The following PRPH2 variants were observed in gnomAD, a reference collection of about 807,000 sequenced individuals.
The protein encoded by PRPH2 is peripherin-2.
PRPH2 carries 17 observed loss-of-function variants against 31.3 expected under a neutral mutation model. The observed-to-expected ratio is 0.54, with a 90% CI of 0.37 to 0.81. PRPH2 has a LOEUF of 0.81. Among genes scored for constraint, PRPH2 ranks in the 40% least tolerant of loss-of-function variants. PRPH2 has a pLI of 0.00. For missense variants in PRPH2, 430 were observed against 439.7 expected (o/e 0.98, Z 0.20); for synonymous variants, 165 against 184.4 (o/e 0.89, Z 0.85).
At chr6:42,699,255 G>A (rs1401483682) in intron 2 of PRPH2, among the ~76,000 whole-genome samples, 1 of 151,816 alleles carries the variant, frequency 6.6e-6, no homozygotes, top group Non-Finnish European at 1.5e-5. Flanking sequence ...TTGTAGATAT[G>A]TGGTTTCCCC....
chr6:42,701,089 G>T (rs1176353517), intron 2 of PRPH2, among the ~76,000 whole-genome samples: 1 of 150,742 alleles, frequency 6.6e-6, no homozygotes, highest in Non-Finnish European at 1.5e-5. Flanking sequence ...TGATCCTCCT[G>T]CCTGAGCCAG....
chr6:42,719,167 CTTTT>C (rs10594241), intron 1 of PRPH2, among the ~76,000 whole-genome samples: 4 of 144,972 alleles, frequency 2.8e-5, no homozygotes, highest in Admixed American at 6.9e-5. Context: ...AGTGGACTTC[CTTTT>C]TTTTTTTTTT....
intron 2 of PRPH2, 89 bp from the exon 3 acceptor site, chr6:42,698,596 G>T: frequency 6.4e-7 from 1 of 1,552,602 alleles, no homozygotes; most frequent in South Asian, 1.2e-5. Context: ...CAAATTGAGG[G>T]TCCCAGAGAG....
intron 1 of PRPH2, among the ~76,000 whole-genome samples, chr6:42,706,645 A>G (rs559501250): frequency 1.9e-3 from 293 of 152,062 alleles, no homozygotes; most frequent in Non-Finnish European, 3.6e-3. Context: ...AATGCGTTAC[A>G]TAATAGACTT....
At position 42,704,478 on chromosome 6, in the gene PRPH2, G is replaced by A. The variant is rs61755814; in HGVS notation, c.715C>T (p.Gln239Ter). ...NNSAHYSYDH[Q>*]TEELNLWVRG... is the part of the protein sequence containing the mutation. ...ACCCACAGGTTGAGCTCCTCCGTCT[G>A]GTGGTCGTAACTGTAGTGTGCTGAG... The change falls in exon 2 of 3, where the codon CAG (glutamine) becomes TAG (stop). Residue 239 changes from glutamine to a stop codon, truncating the protein, a stop_gained. Coordinates refer to ENST00000230381, the MANE Select transcript of PRPH2 (RefSeq NM_000322.5). LOFTEE classifies it high-confidence loss of function. The A allele has an allele frequency of 6.2e-7, 1 of 1,614,080 alleles. No individual in the cohort carries two copies.
chr6:42,707,883 C>T (rs1582768173), intron 1 of PRPH2, among the ~76,000 whole-genome samples: 1 of 152,178 alleles, frequency 6.6e-6, no homozygotes, highest in South Asian at 2.1e-4. Flanking sequence ...TGACAAGAGC[C>T]GGACAGCCTG....
chr6:42,703,287 A>G (rs554958694), intron 2 of PRPH2, among the ~76,000 whole-genome samples: 1 of 152,380 alleles, frequency 6.6e-6, no homozygotes, highest in East Asian at 1.9e-4. Flanking sequence ...ACACTCACCG[A>G]GGATTTGCTT....
chr6:42,701,682 ATTTTTTTT>A (rs70990127), intron 2 of PRPH2, among the ~76,000 whole-genome samples: 34 of 78,518 alleles, frequency 4.3e-4, no homozygotes, highest in Admixed American at 1.5e-3. Flanking sequence ...ACGTCCAGCA[ATTTTTTTT>A]TTTTTTTTTT....
intron 1 of PRPH2, among the ~76,000 whole-genome samples, chr6:42,716,866 C>T (rs1369904723): frequency 1.3e-5 from 2 of 149,762 alleles, no homozygotes; most frequent in Non-Finnish European, 3.0e-5. Context: ...GTGATCCACC[C>T]GCCTCAGCCT....
At chr6:42,711,898 A>G in intron 1 of PRPH2, 3 of 985,108 alleles carry the variant, frequency 3.0e-6, no homozygotes, top group Non-Finnish European at 3.6e-6. Context: ...CGCATGTTCT[A>G]CCTCTCACCC....
chr6:42,722,556 G>T lies in PRPH2; in HGVS notation c.-222C>A. On this transcript the variant is annotated 5_prime_UTR_variant, in exon 1 of 3. Coordinates refer to ENST00000230381, the MANE Select transcript of PRPH2 (RefSeq NM_000322.5). This position sits in a 1 kb window ranked among gnomAD's most constrained non-coding sequence, Gnocchi z 4.4. The stretch of plus-strand genomic sequence containing the variant: ...GGAATCACAGCTTGAGCAGGGGATA[G>T]TCCTGGTCCTGGGCGTTGTTTCTTC... 1 of 1,421,646 alleles carries T rather than the reference G, an allele frequency of 7.0e-7. No individual in the cohort carries two copies. Among genetic ancestry groups the T allele is most frequent in the Non-Finnish European group, 9.2e-7 (1 of 1,090,548 alleles). The allele number at this position is 1,421,646 out of a possible 1,614,324, so 88.1% of individuals were successfully genotyped here.
chr6:42,711,550 G>A (rs868633700), intron 1 of PRPH2, among the ~76,000 whole-genome samples: 6 of 101,136 alleles, frequency 5.9e-5, no homozygotes, highest in Non-Finnish European at 1.0e-4. Context: ...TCCTCAGGGA[G>A]CCCCGGTCTG....
At chr6:42,713,169 G>A (rs1209238577) in intron 1 of PRPH2, among the ~76,000 whole-genome samples, 1 of 151,512 alleles carries the variant, frequency 6.6e-6, no homozygotes, top group Non-Finnish European at 1.5e-5. Flanking sequence ...AGGTTGCAGT[G>A]AGCCGACATG....
In PRPH2 at chr6:42,704,354, C is replaced by G. The variant is rs1370043443; in HGVS notation, c.828+11G>C. 6.2e-7 allele frequency: 1 copy of G among 1,606,126 alleles called. No homozygotes were observed. The highest frequency in any genetic ancestry group is 1.3e-5 in the African/African-American group (1 of 74,764). ...TCCTTACCCTCTACCCCCAGCTGGC[C>G]CAGGGCCTACCTCGAAGAGCCAAAT... On this transcript the variant is annotated intron_variant, in intron 2 of 2. Coordinates refer to ENST00000230381, the MANE Select transcript of PRPH2 (RefSeq NM_000322.5).
At chr6:42,705,601 T>A (rs1239089725) in intron 1 of PRPH2, among the ~76,000 whole-genome samples, 1,096 of 7,396 alleles carry the variant, frequency 0.15, 31 homozygotes, top group African/African-American at 0.27. Flanking sequence ...AAAAAAAAAA[T>A]ATATATATAT....
At chr6:42,717,764 G>A (rs1196692649) in intron 1 of PRPH2, among the ~76,000 whole-genome samples, 1 of 152,078 alleles carries the variant, frequency 6.6e-6, no homozygotes, top group South Asian at 2.1e-4. Context: ...GATAAGGGCT[G>A]TGCTCTGGTC....
intron 2 of PRPH2, among the ~76,000 whole-genome samples, chr6:42,703,753 TA>T (rs2152004990): frequency 6.6e-6 from 1 of 152,236 alleles, no homozygotes; most frequent in Non-Finnish European, 1.5e-5. Context: ...CACAACATTG[TA>T]AATCAACTAG....
chr6:42,716,387 CT>C (rs887710092), intron 1 of PRPH2, among the ~76,000 whole-genome samples: 1 of 146,950 alleles, frequency 6.8e-6, no homozygotes, highest in Admixed American at 6.9e-5. Flanking sequence ...GAGTAAGACC[CT>C]ATCTCTATTT....
At chr6:42,714,834 T>A (rs1761742312) in intron 1 of PRPH2, among the ~76,000 whole-genome samples, 1 of 152,174 alleles carries the variant, frequency 6.6e-6, no homozygotes. Flanking sequence ...GATTTTCTTT[T>A]TTTGTCTCCC....
Sources: allele counts gnomAD v4.1 joint callset (sites outside exome capture counted in the v4.1 genomes callset), GRCh38; gene constraint gnomAD v4.1.1; non-coding constraint Gnocchi (gnomAD v3.1); transcripts MANE v1.5; gene names NCBI Gene and HGNC (gene_info 2026-07-23, HGNC 2026-07-21).